CNTN4: variants seen among roughly 807,000 people sequenced by gnomAD.
The protein encoded by CNTN4 is contactin 4.
Under a neutral mutation model 122.5 loss-of-function variants are expected in CNTN4, and 77 were observed. The observed-to-expected ratio is 0.63, with a 90% CI of 0.52 to 0.76. The LOEUF is 0.76. Ranked by LOEUF, CNTN4 falls within the 30% of genes least tolerant of loss-of-function variation. CNTN4 has a pLI of 0.00. For missense variants in CNTN4, 1,256 were observed against 1,259.1 expected (o/e 1.00, Z 0.04); for synonymous variants, 512 against 447.0 (o/e 1.15, Z -1.83).
chr3:2,507,677 G>A (rs2149047314), intron 3 of CNTN4, among the ~76,000 whole-genome samples: 1 of 149,238 alleles, frequency 6.7e-6, no homozygotes, highest in South Asian at 2.1e-4. Context: ...GGAGGTTGCA[G>A]TGAGCCGAGA....
At chr3:2,778,791 A>G (rs933895303) in intron 6 of CNTN4, among the ~76,000 whole-genome samples, 1 of 152,196 alleles carries the variant, frequency 6.6e-6, no homozygotes, top group African/African-American at 2.4e-5. Flanking sequence ...TTTAATGAGA[A>G]TTCTTTAGGG....
At chr3:2,436,270 C>G (rs2048253947) in intron 3 of CNTN4, among the ~76,000 whole-genome samples, 1 of 152,062 alleles carries the variant, frequency 6.6e-6, no homozygotes, top group African/African-American at 2.4e-5. Flanking sequence ...CTTATTATTA[C>G]TCAAGATGTA....
chr3:2,636,924 G>GTTTTTTTTTTTTTTTTTTTTTTTTTT (rs57301957), intron 4 of CNTN4, among the ~76,000 whole-genome samples: 1 of 98,576 alleles, frequency 1.0e-5, no homozygotes, highest in African/African-American at 3.8e-5. Flanking sequence ...TTCTTTCTTT[G>GTTTTTTTTTTTTTTTTTTTTTTTTTT]TTTTTTTTTT....
intron 6 of CNTN4, among the ~76,000 whole-genome samples, chr3:2,782,246 C>T (rs1362036212): frequency 2.6e-5 from 4 of 151,278 alleles, no homozygotes; most frequent in Non-Finnish European, 5.9e-5. Flanking sequence ...TTTCAGGTTA[C>T]GTTTTAAGAG....
rs529341986 is a variant in CNTN4, at chr3:2,127,223, A to G, written c.-145+26584A>G. Among the ~76,000 whole-genome samples the G allele has an allele frequency of 4.3e-3, 654 of 152,184 alleles. 2 individuals are homozygous for G. The highest frequency in any genetic ancestry group is 9.0e-3 in the Admixed American group (138 of 15,290). The stretch of plus-strand genomic sequence containing the variant: ...ATCAGCTGCCCTTTGTCGGGTTCCC[A>G]TCACAGCCCCAATGTGCTGTGGGTG... On this transcript the variant is annotated intron_variant, in intron 2 of 24. Coordinates refer to ENST00000418658, the MANE Select transcript of CNTN4 (RefSeq NM_175607.3).
chr3:2,724,107 G>A (rs1388956491), intron 4 of CNTN4, among the ~76,000 whole-genome samples: 1 of 152,214 alleles, frequency 6.6e-6, no homozygotes, highest in Non-Finnish European at 1.5e-5. Context: ...GGAAGGGAGA[G>A]TCAGAGTTGA....
At position 2,421,631 on chromosome 3, in the gene CNTN4, C is replaced by G. The variant is rs1054211235; in HGVS notation, c.-89+82398C>G. ...AGCACCAGACAATCAGTAGTTGAAG[C>G]CCTTTTCACATCTTCACTGGGCATT... On this transcript the variant is annotated intron_variant, in intron 3 of 24. Coordinates refer to ENST00000418658, the MANE Select transcript of CNTN4 (RefSeq NM_175607.3). Among the ~76,000 whole-genome samples, 22 of 152,250 alleles carry G rather than the reference C, an allele frequency of 1.4e-4. No individual in the cohort carries two copies. In the East Asian group the frequency reaches 4.3e-3, roughly 29 times the overall value.
At chr3:2,134,163 A>G (rs112432668) in intron 2 of CNTN4, among the ~76,000 whole-genome samples, 44 of 152,306 alleles carry the variant, frequency 2.9e-4, no homozygotes, top group African/African-American at 1.0e-3. Context: ...CGTTTGTGTC[A>G]TTTGCCTCTC....
At chr3:2,410,837 T>G (rs2151031578) in intron 3 of CNTN4, among the ~76,000 whole-genome samples, 1 of 152,356 alleles carries the variant, frequency 6.6e-6, no homozygotes, top group South Asian at 2.1e-4. Flanking sequence ...AGTAGCATAG[T>G]CAGCCTGACT....
At chr3:2,503,059 A>G (rs1248519488) in intron 3 of CNTN4, among the ~76,000 whole-genome samples, 1 of 152,192 alleles carries the variant, frequency 6.6e-6, no homozygotes, top group Non-Finnish European at 1.5e-5. Context: ...GAGACATGAT[A>G]TCTGCCATCA....
chr3:3,007,612 G>C (rs1289516177), intron 14 of CNTN4, among the ~76,000 whole-genome samples: 2 of 152,184 alleles, frequency 1.3e-5, no homozygotes, highest in Admixed American at 1.3e-4. Flanking sequence ...CAATATGTTA[G>C]GTGAATAAAA....
At chr3:2,395,925 C>A (rs2046624216) in intron 3 of CNTN4, among the ~76,000 whole-genome samples, 2 of 152,108 alleles carry the variant, frequency 1.3e-5, no homozygotes, top group African/African-American at 4.8e-5. Context: ...GAAGAAACTA[C>A]TACATGTGAA....
intron 2 of CNTN4, among the ~76,000 whole-genome samples, chr3:2,220,897 G>A (rs2039037011): frequency 6.6e-6 from 1 of 152,036 alleles, no homozygotes; most frequent in African/African-American, 2.4e-5. Flanking sequence ...TTTCCTGATA[G>A]TATCTTTATC....
At chr3:2,389,577 C>T (rs1178752510) in intron 3 of CNTN4, among the ~76,000 whole-genome samples, 1 of 152,070 alleles carries the variant, frequency 6.6e-6, no homozygotes, top group African/African-American at 2.4e-5. Context: ...TTCCTCTTTC[C>T]TTTTTTCTTC....
intron 3 of CNTN4, among the ~76,000 whole-genome samples, chr3:2,380,137 C>A (rs2045964619): frequency 6.6e-6 from 1 of 151,202 alleles, no homozygotes; most frequent in Middle Eastern, 3.5e-3. Context: ...CTCTCAATAA[C>A]TTTGATCATC....
chr3:2,389,456 A>G (rs987489168), intron 3 of CNTN4, among the ~76,000 whole-genome samples: 34 of 152,282 alleles, frequency 2.2e-4, no homozygotes, highest in Admixed American at 6.5e-4. Context: ...GCTTTCAACT[A>G]TCTTTCATAA....
chr3:2,598,546 A>T (rs1038858198), intron 4 of CNTN4, among the ~76,000 whole-genome samples: 5 of 152,156 alleles, frequency 3.3e-5, no homozygotes, highest in African/African-American at 1.2e-4. Context: ...ACACATTCAC[A>T]TATATATATT....
intron 3 of CNTN4, among the ~76,000 whole-genome samples, chr3:2,440,956 C>T (rs2048418769): frequency 6.7e-6 from 1 of 149,002 alleles, no homozygotes; most frequent in Non-Finnish European, 1.5e-5. Context: ...TATTTTCACA[C>T]ACATATATAT....
chr3:3,041,655 T>A (rs2125779616), intron 20 of CNTN4, among the ~76,000 whole-genome samples: 1 of 152,296 alleles, frequency 6.6e-6, no homozygotes, highest in Admixed American at 6.5e-5. Flanking sequence ...TTTCTTTCAA[T>A]AGTCTTCCTT....
Sources: gnomAD v4.1 joint callset for allele counts (sites outside exome capture counted in the v4.1 genomes callset) on GRCh38, gnomAD v4.1.1 for gene constraint, MANE v1.5 for transcripts, NCBI Gene and HGNC (gene_info 2026-07-23, HGNC 2026-07-21) for gene names.